Variants in TRPC7 observed in about 807,000 individuals in gnomAD.
TRPC7 encodes short transient receptor potential channel 7.
TRPC7 carries 42 observed loss-of-function variants against 90.1 expected under a neutral mutation model. That is an observed-to-expected ratio of 0.47 (90% CI 0.36 to 0.60). The LOEUF is 0.60. Among genes scored for constraint, TRPC7 ranks in the 20% least tolerant of loss-of-function variants. TRPC7 has a pLI of 0.00. For missense variants in TRPC7, 955 were observed against 1,112.3 expected, an observed-to-expected ratio of 0.86 and a Z score of 2.01; for synonymous variants, 451 against 436.3, an observed-to-expected ratio of 1.03 and a Z score of -0.42.
In TRPC7 at chr5:136,247,643, T is replaced by C. The variant is rs192233171; in HGVS notation, c.1672A>G (p.Ile558Val). ...CCAAAACTCTCGTTGGCTGGCAGAA[T>C]GTATGCAATGCGAGAGAAGCTCAGC... ...VVLSFSRIAY[I>V]LPANESFGPL... The change falls in exon 7 of 12, where the codon ATT becomes GTT. Residue 558 changes from isoleucine (I) to valine (V), a missense_variant. Physicochemically the swap from Ile to Val is conservative, Grantham distance 29. Coordinates refer to ENST00000513104, the MANE Select transcript of TRPC7 (RefSeq NM_020389.3). This position sits in a 1 kb window ranked among gnomAD's most constrained non-coding sequence, Gnocchi z 4.2. 1.1e-5 allele frequency: 17 copies of C among 1,614,010 alleles called. No homozygotes were observed. In the South Asian group the frequency reaches 1.1e-4, roughly 10 times the overall value.
At position 136,244,473 on chromosome 5, in the gene TRPC7, A is replaced by G. The variant is rs559577869; in HGVS notation, c.1844+2998T>C. ...CAGTAGGAACAGGATAGAAGTGCAC[A>G]CTGTCAAATGCCCAGTCTACTGTTT... On this transcript the variant is annotated intron_variant, in intron 7 of 11. Coordinates refer to ENST00000513104, the MANE Select transcript of TRPC7 (RefSeq NM_020389.3). Among the ~76,000 whole-genome samples the G allele has an allele frequency of 9.4e-4, 143 of 152,310 alleles. 1 individual carries two copies. The South Asian group carries it at 0.017, about 18-fold the overall frequency.
chr5:136,349,744 C>A (rs1012770690), intron 2 of TRPC7, among the ~76,000 whole-genome samples: 2 of 152,112 alleles, frequency 1.3e-5, no homozygotes, highest in Non-Finnish European at 2.9e-5. Flanking sequence ...AGGGTAAGAG[C>A]AAATGTTTGG....
At chr5:136,331,505 T>C (rs759834231) in intron 2 of TRPC7, among the ~76,000 whole-genome samples, 3 of 152,148 alleles carry the variant, frequency 2.0e-5, no homozygotes, top group Non-Finnish European at 4.4e-5. Flanking sequence ...ACTCTCCTTT[T>C]AGTGCAAATT....
chr5:136,229,037 G>GGGGGGAGTGGTGCAGAGACCTGCA (rs1470128406), intron 8 of TRPC7, among the ~76,000 whole-genome samples: 2 of 152,178 alleles, frequency 1.3e-5, no homozygotes, highest in Non-Finnish European at 2.9e-5. Context: ...GCAGATTGCC[G>GGGGGGAGTGGTGCAGAGACCTGCA]GGGGGAGTGG....
At chr5:136,329,008 C>A (rs1036698164) in intron 2 of TRPC7, among the ~76,000 whole-genome samples, 6 of 152,234 alleles carry the variant, frequency 3.9e-5, no homozygotes, top group African/African-American at 1.4e-4. Context: ...CACTGCGCAC[C>A]ACCTTCCTCA....
In TRPC7 at chr5:136,352,110, C is replaced by T. The variant is rs1386619301; in HGVS notation, c.780+4498G>A. Among the ~76,000 whole-genome samples, 3 of 152,114 alleles carry T rather than the reference C, an allele frequency of 2.0e-5. No homozygotes were observed. The East Asian group carries it at 5.8e-4, about 29-fold the overall frequency. On this transcript the variant is annotated intron_variant, in intron 2 of 11. Coordinates refer to ENST00000513104, the MANE Select transcript of TRPC7 (RefSeq NM_020389.3). ...CACCAGATGTTAAATAACTGCAATA[C>T]GGTGTTTGTGGGGCTTCCACAGTCT...
At chr5:136,229,450 T>C (rs1430646534) in intron 8 of TRPC7, among the ~76,000 whole-genome samples, 1 of 152,164 alleles carries the variant, frequency 6.6e-6, no homozygotes, top group East Asian at 1.9e-4. Flanking sequence ...GTAGAAGCCC[T>C]AACCCCCAGC....
intron 5 of TRPC7, among the ~76,000 whole-genome samples, chr5:136,252,445 TCTTA>T (rs1756554293): frequency 6.6e-6 from 1 of 152,204 alleles, no homozygotes; most frequent in African/African-American, 2.4e-5. Context: ...TTAGATTTTT[TCTTA>T]CTCTTTCATA....
chr5:136,361,403 C>T (rs1488006852), intron 1 of TRPC7, among the ~76,000 whole-genome samples: 3 of 152,144 alleles, frequency 2.0e-5, no homozygotes, highest in Admixed American at 6.5e-5. Flanking sequence ...GATTATTAAA[C>T]TCCCTCTTGA....
At chr5:136,277,914 A>G (rs956573214) in intron 3 of TRPC7, among the ~76,000 whole-genome samples, 1 of 152,236 alleles carries the variant, frequency 6.6e-6, no homozygotes, top group East Asian at 1.9e-4. Flanking sequence ...TCCCAGCGAC[A>G]TGATTCATAT....
At chr5:136,298,379 G>A (rs964204727) in intron 3 of TRPC7, among the ~76,000 whole-genome samples, 2 of 152,228 alleles carry the variant, frequency 1.3e-5, no homozygotes, top group African/African-American at 4.8e-5. Context: ...AGGTGAGTTA[G>A]ACAGGGAGGC....
At chr5:136,361,189 T>C (rs926058655) in intron 1 of TRPC7, among the ~76,000 whole-genome samples, 1 of 152,206 alleles carries the variant, frequency 6.6e-6, no homozygotes, top group African/African-American at 2.4e-5. Flanking sequence ...GGCATTTGAT[T>C]GCCCTTATTT....
In TRPC7 at chr5:136,357,390, G is replaced by A. The variant is rs1760427026; in HGVS notation, c.3-5C>T. 3 of 1,582,212 alleles carry A rather than the reference G, an allele frequency of 1.9e-6. No homozygotes were observed. The highest frequency in any genetic ancestry group is 2.6e-6 in the Non-Finnish European group (3 of 1,168,706). On this transcript the variant is annotated splice_polypyrimidine_tract_variant and splice_region_variant and intron_variant, in intron 1 of 11. Transcript: ENST00000513104. ...TTGAAGGTGCTGTTCCTCAACCTAT[G>A]GGACAAGGCAAAGATGCCCTGTTAC...
At chr5:136,307,545 A>G (rs1449706010) in intron 3 of TRPC7, among the ~76,000 whole-genome samples, 1 of 152,218 alleles carries the variant, frequency 6.6e-6, no homozygotes, top group African/African-American at 2.4e-5. Flanking sequence ...TCAGGGGCTG[A>G]CAGTTAAGAG....
intron 3 of TRPC7, among the ~76,000 whole-genome samples, chr5:136,283,795 G>A (rs1472973699): frequency 6.6e-6 from 1 of 152,078 alleles, no homozygotes; most frequent in Non-Finnish European, 1.5e-5. Flanking sequence ...GCATCAACCT[G>A]ACCAACAAAG....
chr5:136,235,055 C>T (rs1437663223), intron 7 of TRPC7, among the ~76,000 whole-genome samples: 2 of 152,032 alleles, frequency 1.3e-5, no homozygotes, highest in African/African-American at 4.8e-5. Context: ...TAATTCTGGG[C>T]TGGGGGAAGT....
intron 2 of TRPC7, among the ~76,000 whole-genome samples, chr5:136,347,301 T>C (rs1230324691): frequency 1.3e-5 from 2 of 152,192 alleles, no homozygotes; most frequent in Non-Finnish European, 2.9e-5. Flanking sequence ...AAATGAGATT[T>C]TGGGTGGCCA....
At chr5:136,360,267 T>A (rs994075361) in intron 1 of TRPC7, among the ~76,000 whole-genome samples, 5 of 150,552 alleles carry the variant, frequency 3.3e-5, no homozygotes, top group Non-Finnish European at 7.4e-5. Context: ...CAAGCATTGT[T>A]TGTTAATTCC....
chr5:136,324,930 T>A (rs1759300566), intron 2 of TRPC7, among the ~76,000 whole-genome samples: 1 of 152,112 alleles, frequency 6.6e-6, no homozygotes. Context: ...TCACTCCCCC[T>A]CCCTCCCTTT....
Sources: allele counts gnomAD v4.1 joint callset (sites outside exome capture counted in the v4.1 genomes callset), GRCh38; gene constraint gnomAD v4.1.1; non-coding constraint Gnocchi (gnomAD v3.1); transcripts MANE v1.5; gene names NCBI Gene and HGNC (gene_info 2026-07-23, HGNC 2026-07-21).